Variants in SNX14 observed in about 807,000 individuals in gnomAD.
SNX14 encodes sorting nexin-14.
A neutral mutation model predicts 133.8 loss-of-function variants in SNX14; 93 were observed. That is an observed-to-expected ratio of 0.70 (90% confidence interval 0.59 to 0.83). The LOEUF (loss-of-function observed/expected upper bound fraction) is 0.83, where lower values mean the gene tolerates loss of function less well. SNX14 is among the 40% of genes least tolerant of loss of function. The pLI is 0.00. For missense variants in SNX14, 945 were observed against 1,094.9 expected (o/e 0.86, Z 1.93); for synonymous variants, 368 against 365.6 (o/e 1.01, Z -0.07).
intron 1 of SNX14, chr6:85,581,229 C>T (rs1177165780): frequency 6.6e-6 from 1 of 152,154 alleles, no homozygotes; most frequent in Non-Finnish European, 1.5e-5. Context: ...AGATTTTATC[C>T]AACACCACCA....
chr6:85,542,106 C>T, intron 14 of SNX14, 63 bp from the exon 15 acceptor site: 1 of 1,121,290 alleles, frequency 8.9e-7, no homozygotes, highest in Non-Finnish European at 1.2e-6. Flanking sequence ...AAACATGTTA[C>T]CTTAGTTTAC....
intron 26 of SNX14, among the ~76,000 whole-genome samples, chr6:85,512,621 CAAA>C (rs11336326): frequency 2.5e-4 from 31 of 123,496 alleles, no homozygotes; most frequent in Middle Eastern, 4.3e-3. Flanking sequence ...GGCTCTGTCT[CAAA>C]AAAAAAAAAA....
chr6:85,578,441 A>AG (rs1318707220), intron 1 of SNX14, among the ~76,000 whole-genome samples: 2 of 152,140 alleles, frequency 1.3e-5, no homozygotes, highest in African/African-American at 4.8e-5. Flanking sequence ...AGAAGGGAAG[A>AG]GGGGGGTATC....
intron 6 of SNX14, among the ~76,000 whole-genome samples, chr6:85,563,830 G>C (rs980373073): frequency 5.3e-5 from 8 of 151,996 alleles, no homozygotes; most frequent in African/African-American, 1.9e-4. Context: ...GTGCAGGTTT[G>C]TTACATATGT....
At chr6:85,531,814 C>A (rs1780396734) in intron 18 of SNX14, among the ~76,000 whole-genome samples, 1 of 152,046 alleles carries the variant, frequency 6.6e-6, no homozygotes, top group African/African-American at 2.4e-5. Context: ...CCGCTTTGAG[C>A]CCAGGAGTTT....
intron 12 of SNX14, among the ~76,000 whole-genome samples, chr6:85,546,267 T>C (rs758525487): frequency 1.3e-5 from 2 of 152,214 alleles, no homozygotes; most frequent in Non-Finnish European, 2.9e-5. Context: ...TGTACACACA[T>C]GCAAAACTGA....
intron 7 of SNX14, 35 bp downstream of exon 7, chr6:85,557,940 CA>C (rs1790276451): frequency 7.7e-7 from 1 of 1,295,042 alleles, no homozygotes. Context: ...TGTATAAAAA[CA>C]AAATTACTCA....
At chr6:85,564,530 C>CT (rs1489549489) in intron 6 of SNX14, among the ~76,000 whole-genome samples, 10 of 152,114 alleles carry the variant, frequency 6.6e-5, no homozygotes, top group East Asian at 1.9e-4. Context: ...CAGAACATGA[C>CT]TTTTTTCTAT....
intron 26 of SNX14, among the ~76,000 whole-genome samples, chr6:85,510,221 C>T (rs1330968917): frequency 6.6e-6 from 1 of 152,152 alleles, no homozygotes; most frequent in Non-Finnish European, 1.5e-5. Context: ...GCTCACCTGT[C>T]TTCCAAAGTG....
At chr6:85,592,316 A>G (rs2842611) in intron 1 of SNX14, among the ~76,000 whole-genome samples, 79,053 of 152,100 alleles carry the variant, frequency 0.52, 21,540 homozygotes, top group African/African-American at 0.68. Context: ...TAATGGTTAC[A>G]CCAGAGAAAA....
In SNX14 at chr6:85,539,621, G is replaced by A. The variant is rs913609748; in HGVS notation, c.1449-757C>T. On this transcript the variant is annotated intron_variant, in intron 15 of 28. Transcript: ENST00000314673. ...AACAAAGCTATTCTAAATTTCCAATGAAAGAATGTTAAGAAACTCTTTTAA... is the reference window on the plus strand; with the variant it reads ...AACAAAGCTATTCTAAATTTCCAATAAAAGAATGTTAAGAAACTCTTTTAA... Among the ~76,000 whole-genome samples, 4 of 152,000 alleles carry A rather than the reference G, an allele frequency of 2.6e-5. No homozygotes were observed. The South Asian group carries it at 6.2e-4, about 24-fold the overall frequency.
rs757701175 is a variant in SNX14, at chr6:85,513,831, C to T, written c.2622G>A (p.Gln874=). 1 of 1,612,854 alleles carries T rather than the reference C, an allele frequency of 6.2e-7. No homozygotes were observed. Among genetic ancestry groups the T allele is most frequent in the South Asian group, 1.1e-5 (1 of 90,924 alleles). Residue 874 remains glutamine, a synonymous_variant, in exon 26 of 29, where the codon CAG becomes CAA. Transcript: ENST00000314673. ...TGTAATTCATCATTTCTTCAAAAGT[C>T]TGTTTTGCTCCTTTTTGCTTATCTT... The part of the protein sequence containing the change: ...SLQDKQKGAK[Q]TFEEMMNYIP...
intron 18 of SNX14, among the ~76,000 whole-genome samples, chr6:85,530,933 T>G (rs553028774): frequency 2.8e-4 from 43 of 152,182 alleles, no homozygotes; most frequent in Non-Finnish European, 4.9e-4. Flanking sequence ...ATTTGGGGTT[T>G]CTCAAATATT....
intron 4 of SNX14, 56 bp downstream of exon 4, chr6:85,572,081 A>T: frequency 6.8e-7 from 1 of 1,473,244 alleles, no homozygotes; most frequent in Admixed American, 2.0e-5. Flanking sequence ...AATTCTGGAA[A>T]ATTTTTCCAC....
At chr6:85,575,934 T>C (rs1469651519) in intron 1 of SNX14, among the ~76,000 whole-genome samples, 1 of 152,218 alleles carries the variant, frequency 6.6e-6, no homozygotes, top group African/African-American at 2.4e-5. Flanking sequence ...ACTGTTTAAG[T>C]TACTCTTAAT....
At chr6:85,579,368 T>C (rs1270707977) in intron 1 of SNX14, among the ~76,000 whole-genome samples, 3 of 152,024 alleles carry the variant, frequency 2.0e-5, no homozygotes, top group Non-Finnish European at 2.9e-5. Context: ...GATAGCCAAA[T>C]AGAAGGCTCT....
At chr6:85,552,307 G>A (rs1335598322) in intron 7 of SNX14, among the ~76,000 whole-genome samples, 2 of 151,996 alleles carry the variant, frequency 1.3e-5, no homozygotes, top group East Asian at 3.9e-4. Context: ...AAGTGCTGGG[G>A]GAATCTTAAC....
At chr6:85,533,411 A>C (rs1780882425) in intron 18 of SNX14, among the ~76,000 whole-genome samples, 188 bp downstream of exon 18, 1 of 152,220 alleles carries the variant, frequency 6.6e-6, no homozygotes, top group Non-Finnish European at 1.5e-5. Context: ...TGAATTAGTT[A>C]ATTAGTTACT....
chr6:85,534,831 GTTTTTTTT>G (rs371318721), intron 17 of SNX14, among the ~76,000 whole-genome samples: 2 of 141,036 alleles, frequency 1.4e-5, no homozygotes, highest in African/African-American at 5.2e-5. Context: ...AAAAGGGAAA[GTTTTTTTT>G]TTTTTTTTTA....
Sources: allele counts gnomAD v4.1 joint callset (sites outside exome capture counted in the v4.1 genomes callset), GRCh38; gene constraint gnomAD v4.1.1; transcripts MANE v1.5; gene names NCBI Gene and HGNC (gene_info 2026-07-23, HGNC 2026-07-21).